NRXN3: variants seen among roughly 807,000 people sequenced by gnomAD.
NRXN3 encodes the protein neurexin III.
A neutral mutation model predicts 137.6 loss-of-function variants in NRXN3; 32 were observed. That is an observed-to-expected ratio of 0.23 (90% CI 0.18 to 0.31). The LOEUF (loss-of-function observed/expected upper bound fraction) is 0.31. NRXN3 is among the 10% of genes least tolerant of loss of function. The pLI is 1.00. For missense variants in NRXN3, 1,574 were observed against 2,062.5 expected (o/e 0.76, Z 4.59); for synonymous variants, 798 against 784.5 (o/e 1.02, Z -0.29).
chr14:79,488,286 G>T (rs1246940599), intron 16 of NRXN3, among the ~76,000 whole-genome samples: 1 of 152,088 alleles, frequency 6.6e-6, no homozygotes, highest in Non-Finnish European at 1.5e-5. Flanking sequence ...AGAGCTATAG[G>T]GTCTTGATGA....
At chr14:78,463,198 T>C (rs1248517450) in intron 4 of NRXN3, among the ~76,000 whole-genome samples, 1 of 152,132 alleles carries the variant, frequency 6.6e-6, no homozygotes, top group East Asian at 1.9e-4. Flanking sequence ...TATGTCTGAG[T>C]AATATTTCAT....
At chr14:78,927,141 T>G (rs1597478740) in intron 10 of NRXN3, among the ~76,000 whole-genome samples, 2 of 110,172 alleles carry the variant, frequency 1.8e-5, no homozygotes, top group Admixed American at 9.7e-5. Flanking sequence ...AGTGTTGGAG[T>G]GAGACCCTCA....
chr14:78,378,400 G>A (rs976194157), intron 4 of NRXN3, among the ~76,000 whole-genome samples: 2 of 150,712 alleles, frequency 1.3e-5, no homozygotes, highest in South Asian at 2.1e-4. Flanking sequence ...TGAGAGAATC[G>A]CTTGAACCCG....
rs564459073 is a variant in NRXN3, at chr14:79,472,318, TA to T, written c.3444+4920del. Among the ~76,000 whole-genome samples, 414 of 152,276 alleles carry T rather than the reference TA, an allele frequency of 2.7e-3. 3 individuals are homozygous for T. The highest frequency in any genetic ancestry group is 9.6e-3 in the African/African-American group (398 of 41,554). ...AGTCTTCCCACTCATCTGGGCCTTA[TA>T]AAAGTTAAATAGGTTTTGACAAAAA... On this transcript the variant is annotated intron_variant, in intron 16 of 20. Coordinates refer to ENST00000335750, the MANE Select transcript of NRXN3 (RefSeq NM_001330195.2).
intron 8 of NRXN3, among the ~76,000 whole-genome samples, chr14:78,769,493 T>A (rs559483562): frequency 7.0e-4 from 106 of 152,350 alleles, no homozygotes; most frequent in Non-Finnish European, 1.4e-3. Context: ...TCTCCTGAGC[T>A]ACCCTGTGAT....
intron 10 of NRXN3, among the ~76,000 whole-genome samples, chr14:78,943,076 G>T (rs189060616): frequency 6.6e-6 from 1 of 152,220 alleles, no homozygotes. Flanking sequence ...AATTAAATTG[G>T]AGTTATATGA....
At chr14:78,995,404 G>A (rs1055298019) in intron 15 of NRXN3, among the ~76,000 whole-genome samples, 2 of 152,080 alleles carry the variant, frequency 1.3e-5, no homozygotes, top group African/African-American at 2.4e-5. Flanking sequence ...CATACAGCAC[G>A]GTGGACGAGA....
intron 15 of NRXN3, among the ~76,000 whole-genome samples, chr14:79,066,447 G>A (rs1348177445): frequency 6.6e-6 from 1 of 152,004 alleles, no homozygotes; most frequent in Admixed American, 6.6e-5. Flanking sequence ...TGTTCTTTTT[G>A]CTTAGGATTG....
chr14:78,226,646 C>T (rs1231499400), intron 1 of NRXN3, among the ~76,000 whole-genome samples: 1 of 152,146 alleles, frequency 6.6e-6, no homozygotes, highest in East Asian at 1.9e-4. Flanking sequence ...GGACCATAAA[C>T]ATTCCAGAAT....
At chr14:79,338,656 A>G (rs2092423221) in intron 15 of NRXN3, among the ~76,000 whole-genome samples, 1 of 152,218 alleles carries the variant, frequency 6.6e-6, no homozygotes, top group Non-Finnish European at 1.5e-5. Flanking sequence ...AATTCAGGTA[A>G]AGCACATAGT....
rs576793850 is a variant in NRXN3, at chr14:79,038,945, T to C, written c.3262+50804T>C. Among the ~76,000 whole-genome samples, 3 of 152,260 alleles carry C rather than the reference T, an allele frequency of 2.0e-5. No individual in the cohort carries two copies. In the South Asian group the frequency reaches 6.2e-4, roughly 32 times the overall value. On this transcript the variant is annotated intron_variant, in intron 15 of 20. Coordinates refer to ENST00000335750, the MANE Select transcript of NRXN3 (RefSeq NM_001330195.2). ...GCTAAGAGCCCTGGAATGCCATCTT[T>C]AATGAGTGTAGGGAGGATGGTAAAT...
At chr14:78,709,713 G>C in intron 7 of NRXN3, 58 bp downstream of exon 7, 1 of 1,491,758 alleles carries the variant, frequency 6.7e-7, no homozygotes, top group Non-Finnish European at 9.0e-7. Context: ...TTCTCAGTTT[G>C]TTTTTTGGCT....
intron 15 of NRXN3, chr14:79,201,622 T>G (rs2066025513): frequency 6.6e-6 from 1 of 152,204 alleles, no homozygotes; most frequent in Non-Finnish European, 1.5e-5. Flanking sequence ...ATAAAGATGA[T>G]TGAAAGACTC....
chr14:79,731,330 A>T (rs577056321), intron 19 of NRXN3, among the ~76,000 whole-genome samples: 6 of 152,184 alleles, frequency 3.9e-5, no homozygotes, highest in Non-Finnish European at 2.9e-5. Context: ...TTGAGCTGTG[A>T]TTTTACTTGT....
chr14:79,460,255 A>G (rs1187354031), intron 15 of NRXN3, among the ~76,000 whole-genome samples: 1 of 152,168 alleles, frequency 6.6e-6, no homozygotes, highest in East Asian at 1.9e-4. Flanking sequence ...GGTCCTTGAA[A>G]AATACATAAT....
At chr14:79,843,508 T>C (rs1037783275) in intron 20 of NRXN3, among the ~76,000 whole-genome samples, 12 of 152,198 alleles carry the variant, frequency 7.9e-5, no homozygotes, top group African/African-American at 1.9e-4. Flanking sequence ...GACTGATTTT[T>C]CTTATCACAA....
intron 15 of NRXN3, among the ~76,000 whole-genome samples, chr14:79,092,047 G>A (rs2202176): frequency 0.92 from 139,882 of 152,244 alleles, 65,152 homozygotes; most frequent in Non-Finnish European, 0.99. Context: ...TTTTCTGTTC[G>A]TCTATTGTTT....
At chr14:79,332,516 A>G (rs1368560692) in intron 15 of NRXN3, among the ~76,000 whole-genome samples, 1 of 152,176 alleles carries the variant, frequency 6.6e-6, no homozygotes, top group African/African-American at 2.4e-5. Flanking sequence ...ACCAGATTTA[A>G]ATGGCATCTT....
chr14:78,490,531 T>C (rs569050631), intron 4 of NRXN3, among the ~76,000 whole-genome samples: 326 of 152,330 alleles, frequency 2.1e-3, no homozygotes, highest in Non-Finnish European at 3.6e-3. Flanking sequence ...CCCCATGTCC[T>C]GCCTCAGTTG....
Sources: allele counts gnomAD v4.1 joint callset (sites outside exome capture counted in the v4.1 genomes callset), GRCh38; gene constraint gnomAD v4.1.1; transcripts MANE v1.5; gene names NCBI Gene and HGNC (gene_info 2026-07-23, HGNC 2026-07-21).